The following CD33 variants were observed in gnomAD, a reference collection of about 807,000 sequenced individuals.
CD33 encodes the protein myeloid cell surface antigen CD33.
In CD33, 25 loss-of-function variants were observed where a neutral mutation model predicts 31.4. That is an observed-to-expected ratio of 0.80 (90% CI 0.58 to 1.11). CD33 has a LOEUF of 1.11. Ranked by LOEUF, CD33 falls within the 50% of genes most tolerant of loss-of-function variation. The pLI is 0.00. For missense variants in CD33, 407 were observed against 448.1 expected (o/e 0.91, Z 0.83); for synonymous variants, 176 against 180.6 (o/e 0.97, Z 0.20).
chr19:51,234,430 AT>A (rs1169205475), intron 4 of CD33, among the ~76,000 whole-genome samples: 1 of 152,080 alleles, frequency 6.6e-6, no homozygotes, highest in Non-Finnish European at 1.5e-5. Flanking sequence ...TCTTTAGGGC[AT>A]TTTTTTCTAC....
chr19:51,213,504 CTTTTGTTTTGTTTTTTGTTTGTTTGT>C, the CD33 span, among the ~76,000 whole-genome samples: 1 of 152,010 alleles, frequency 6.6e-6, no homozygotes, highest in Non-Finnish European at 1.5e-5. Context: ...TTTTTCTTTT[CTTTTGTTTTGTTTTTTGTTTGTTTGT>C]TTTTGTTTTG....
At chr19:51,220,786 C>T (rs567311312), upstream of CD33, among the ~76,000 whole-genome samples, 10 of 152,244 alleles carry the variant, frequency 6.6e-5, no homozygotes, top group African/African-American at 2.4e-4. Context: ...ACCTTGCCTT[C>T]TCTTTCTATT....
At chr19:51,215,836 C>G in the CD33 span, among the ~76,000 whole-genome samples, 1 of 152,168 alleles carries the variant, frequency 6.6e-6, no homozygotes, top group Admixed American at 6.5e-5. Context: ...CTTGGTCATG[C>G]CTGGGCCCTC....
At chr19:51,216,262 G>T in the CD33 span, among the ~76,000 whole-genome samples, 1 of 148,438 alleles carries the variant, frequency 6.7e-6, no homozygotes, top group Non-Finnish European at 1.5e-5. Flanking sequence ...GTGTGTGTGT[G>T]TGTGTTTCTT....
chr19:51,235,718 C>T (rs1274934137), intron 6 of CD33, 42 bp downstream of exon 6: 1 of 1,510,950 alleles, frequency 6.6e-7, no homozygotes. Context: ...GTCCTGCAGA[C>T]ACCTCCTCCC....
chr19:51,220,848 G>A (rs569550598), upstream of CD33, among the ~76,000 whole-genome samples: 1 of 152,066 alleles, frequency 6.6e-6, no homozygotes, highest in African/African-American at 2.4e-5. Context: ...CTCATGTAAC[G>A]CGTATTTATG....
chr19:51,233,982 C>T (rs1344220956), intron 4 of CD33, among the ~76,000 whole-genome samples: 4 of 152,098 alleles, frequency 2.6e-5, no homozygotes, highest in South Asian at 2.1e-4. Flanking sequence ...TCTGGTGACA[C>T]GGGGGAGGAT....
At chr19:51,224,040 G>A (rs547829714), upstream of CD33, among the ~76,000 whole-genome samples, 1 of 152,268 alleles carries the variant, frequency 6.6e-6, no homozygotes, top group African/African-American at 2.4e-5. Context: ...AAAGAAACAC[G>A]AATGGTGGCT....
At chr19:51,232,129 T>C (rs1435867179) in intron 4 of CD33, among the ~76,000 whole-genome samples, 3 of 152,370 alleles carry the variant, frequency 2.0e-5, no homozygotes, top group Admixed American at 6.5e-5. Flanking sequence ...TGCTTATCTA[T>C]GAAATATTTT....
At chr19:51,231,769 T>A (rs529054355) in intron 4 of CD33, among the ~76,000 whole-genome samples, 287 of 77,704 alleles carry the variant, frequency 3.7e-3, no homozygotes, top group Admixed American at 9.7e-3. Flanking sequence ...TTTTATTATT[T>A]TTTTTTTGAG....
the CD33 span, among the ~76,000 whole-genome samples, chr19:51,214,779 GC>G: frequency 6.6e-6 from 1 of 152,086 alleles, no homozygotes; most frequent in Non-Finnish European, 1.5e-5. Context: ...CATTTTGTGA[GC>G]TATCATTTCA....
At chr19:51,211,892 G>A in the CD33 span, 52 of 1,439,910 alleles carry the variant, frequency 3.6e-5, no homozygotes, top group Middle Eastern at 1.8e-4. Flanking sequence ...AGCAGGGGAC[G>A]CCCCCCATCT....
intron 4 of CD33, among the ~76,000 whole-genome samples, chr19:51,234,521 G>A (rs1981641827): frequency 6.6e-6 from 1 of 152,128 alleles, no homozygotes; most frequent in Middle Eastern, 3.4e-3. Flanking sequence ...ATTAATAATG[G>A]CATCTGGCAC....
rs754786174 is a variant in CD33, at chr19:51,225,477, C to A, written c.297C>A (p.Asn99Lys). 8.7e-6 allele frequency: 14 copies of A among 1,613,708 alleles called. No individual in the cohort carries two copies. Among genetic ancestry groups the A allele is most frequent in the Non-Finnish European group, 1.0e-5 (12 of 1,179,834 alleles). Residue 99 changes from asparagine to lysine, a missense_variant, in exon 2 of 7, where the codon AAC becomes AAA. Physicochemically the swap from Asn to Lys is moderately conservative, Grantham distance 94. Coordinates refer to ENST00000262262, the MANE Select transcript of CD33 (RefSeq NM_001772.4). ...GCCTCCTTGGGGATCCCAGTAGGAA[C>A]AACTGCTCCCTGAGCATCGTAGACG... is the stretch of plus-strand genomic sequence containing the variant. Reference protein sequence around the residue: ...RFRLLGDPSRNNCSLSIVDAR... With the variant: ...RFRLLGDPSRKNCSLSIVDAR...
At chr19:51,228,910 T>C (rs976680917) in intron 4 of CD33, among the ~76,000 whole-genome samples, 1 of 152,354 alleles carries the variant, frequency 6.6e-6, no homozygotes, top group Admixed American at 6.5e-5. Flanking sequence ...TCTTGCCTAA[T>C]TGCTCTGGCT....
intron 4 of CD33, among the ~76,000 whole-genome samples, chr19:51,230,624 C>T (rs1981337383): frequency 6.6e-6 from 1 of 152,178 alleles, no homozygotes; most frequent in Non-Finnish European, 1.5e-5. Context: ...CCTTCTTTGT[C>T]TCTTTACAGC....
chr19:51,239,432 C>A (rs749254645), intron 6 of CD33, 86 bp from the exon 7 acceptor site: 2 of 990,078 alleles, frequency 2.0e-6, no homozygotes, highest in Admixed American at 5.6e-5. Flanking sequence ...CTGTCAGAGT[C>A]AAATTTACTT....
chr19:51,226,153 T>A, intron 3 of CD33, 72 bp downstream of exon 3: 1 of 1,561,562 alleles, frequency 6.4e-7, no homozygotes, highest in Non-Finnish European at 8.8e-7. Context: ...GCTGGGGACA[T>A]TTAGTGTCCT....
Position 51,226,116 on chromosome 19 carries a change from G to A in CD33, c.697+35G>A, listed in dbSNP as rs766888808. On this transcript the variant is annotated intron_variant, in intron 3 of 6. Transcript: ENST00000262262. ...GGGCCAGGATGCTGGGGTCCCTGAG[G>A]GTGTAGGGGAGACAGGATGGGCTGG... 4 of 1,605,306 alleles carry A rather than the reference G, an allele frequency of 2.5e-6. No homozygotes were observed. In the South Asian group the frequency reaches 3.3e-5, roughly 13 times the overall value.
Sources: gnomAD v4.1 joint callset for allele counts (sites outside exome capture counted in the v4.1 genomes callset) on GRCh38, gnomAD v4.1.1 for gene constraint, MANE v1.5 for transcripts, NCBI Gene and HGNC (gene_info 2026-07-23, HGNC 2026-07-21) for gene names.